PNMA8C: variants seen among roughly 807,000 people sequenced by gnomAD.
PNMA8C encodes the protein PNMA family member 8C.
In PNMA8C at chr19:46,428,032, T is replaced by C; in HGVS notation, c.328A>G (p.Lys110Glu). 1 of 398,746 alleles carries C rather than the reference T, an allele frequency of 2.5e-6. No individual in the cohort carries two copies. The highest frequency in any genetic ancestry group is 1.3e-4 in the South Asian group (1 of 7,860). 24.7% of individuals were successfully genotyped at this position (398,746 alleles called of 1,614,324 possible). A position where few individuals can be genotyped will look rare whatever the true frequency, so the allele number is the denominator to read the frequency against. The change falls in exon 1 of 1, where the codon AAG (lysine) becomes GAG (glutamate). Residue 110 changes from lysine (K) to glutamate (E), a missense_variant. Physicochemically the swap from Lys to Glu is moderately conservative, Grantham distance 56. Transcript: ENST00000617053. The stretch of plus-strand genomic sequence containing the variant: ...TCGCTCTGCAGAAAGAGGTTCAGCT[T>C]GGTCAGGAATTCAATGTCCTGCTTC... ...PRKQDIEFLTKLNLFLQSEGR... is the reference protein window; with the variant it reads ...PRKQDIEFLTELNLFLQSEGR...
chr19:46,426,514 G>T lies in PNMA8C; in HGVS notation c.*1231C>A, dbSNP rs1162500814. On this transcript the variant is annotated 3_prime_UTR_variant, in exon 1 of 1. Coordinates refer to ENST00000617053, the MANE Select transcript of PNMA8C (RefSeq NM_001386793.1). Reference sequence around the variant, plus strand: ...TCAAGGTACATGCTTTTGAAACACAGAAAACGGCTCTAGACTTTGCAATAA... The same window carrying T: ...TCAAGGTACATGCTTTTGAAACACATAAAACGGCTCTAGACTTTGCAATAA... 6.6e-6 allele frequency: 1 copy of T among 151,796 alleles called. No individual in the cohort carries two copies. The highest frequency in any genetic ancestry group is 2.4e-5 in the African/African-American group (1 of 41,374). 9.4% of individuals were successfully genotyped at this position (151,796 alleles called of 1,614,324 possible).
In PNMA8C at chr19:46,425,824, G is replaced by A. The variant is rs533221668; in HGVS notation, c.*1921C>T. 2.0e-5 allele frequency: 3 copies of A among 152,266 alleles called. No individual in the cohort carries two copies. In the East Asian group the frequency reaches 5.8e-4, roughly 29 times the overall value. The allele number at this position is 152,266 out of a possible 1,614,324, so 9.4% of individuals were successfully genotyped here. A position where few individuals can be genotyped will look rare whatever the true frequency, so the allele number is the denominator to read the frequency against. On this transcript the variant is annotated 3_prime_UTR_variant, in exon 1 of 1. Coordinates refer to ENST00000617053, the MANE Select transcript of PNMA8C (RefSeq NM_001386793.1). Reference sequence around the variant, plus strand: ...GAATCGCTTGGACCAGGGAGTCAGAGGTTGCAGTGAGCTGAGATTGCACCT... The same window carrying A: ...GAATCGCTTGGACCAGGGAGTCAGAAGTTGCAGTGAGCTGAGATTGCACCT...
Position 46,427,885 on chromosome 19 carries a change from C to G in PNMA8C, c.475G>C (p.Ala159Pro). ...ACGTCCATCTGGACGGTGGCCCCAGCCTCCGGTTTCTCCCCCAGCCCAGGC... is the reference window on the plus strand; with the variant it reads ...ACGTCCATCTGGACGGTGGCCCCAGGCTCCGGTTTCTCCCCCAGCCCAGGC... ...SVPGLGEKPEAGATVQMDVVP... is the reference protein window; with the variant it reads ...SVPGLGEKPEPGATVQMDVVP... The change falls in exon 1 of 1, where the codon GCT becomes CCT. Residue 159 changes from alanine to proline, a missense_variant. By Grantham distance (27) the Ala-to-Pro change is conservative. Coordinates refer to ENST00000617053, the MANE Select transcript of PNMA8C (RefSeq NM_001386793.1). 1 of 398,724 alleles carries G rather than the reference C, an allele frequency of 2.5e-6. No individual in the cohort carries two copies. Among genetic ancestry groups the G allele is most frequent in the Non-Finnish European group, 4.4e-6 (1 of 226,128 alleles). 24.7% of individuals were successfully genotyped at this position (398,724 alleles called of 1,614,324 possible). A position where few individuals can be genotyped will look rare whatever the true frequency, so the allele number is the denominator to read the frequency against.
Position 46,426,848 on chromosome 19 carries a change from G to T in PNMA8C, c.*897C>A, listed in dbSNP as rs981937056. On this transcript the variant is annotated 3_prime_UTR_variant, in exon 1 of 1. Coordinates refer to ENST00000617053, the MANE Select transcript of PNMA8C (RefSeq NM_001386793.1). ...CGGTCGGACGCGCTGCTAGGTTCTG[G>T]CTCTGACTGCGCCTGCGCGGCTGGT... 6.6e-6 allele frequency: 1 copy of T among 152,260 alleles called. No homozygotes were observed. Among genetic ancestry groups the T allele is most frequent in the African/African-American group, 2.4e-5 (1 of 41,474 alleles). The allele number at this position is 152,260 out of a possible 1,614,324, so 9.4% of individuals were successfully genotyped here.
In PNMA8C at chr19:46,428,928, G is replaced by A. The variant is rs1194741699; in HGVS notation, c.-569C>T. On this transcript the variant is annotated 5_prime_UTR_variant, in exon 1 of 1. Coordinates refer to ENST00000617053, the MANE Select transcript of PNMA8C (RefSeq NM_001386793.1). ...ATGTGGCCGCTGCACTTGCTCCCGC[G>A]GTGACGTCACCGCCTCCTTCCGCTC... is the stretch of plus-strand genomic sequence containing the variant. 4.6e-5 allele frequency: 7 copies of A among 152,342 alleles called. No individual in the cohort carries two copies. Among genetic ancestry groups the A allele is most frequent in the African/African-American group, 1.4e-4 (6 of 41,582 alleles). 9.4% of individuals were successfully genotyped at this position (152,342 alleles called of 1,614,324 possible).
Position 46,424,868 on chromosome 19 carries a change from TG to T in PNMA8C, c.*2876del, listed in dbSNP as rs1969408329. 6.6e-6 allele frequency: 1 copy of T among 152,044 alleles called. No individual in the cohort carries two copies. The highest frequency in any genetic ancestry group is 2.1e-4 in the South Asian group (1 of 4,822). The allele number at this position is 152,044 out of a possible 1,614,324, so 9.4% of individuals were successfully genotyped here. A position where few individuals can be genotyped will look rare whatever the true frequency, so the allele number is the denominator to read the frequency against. ...TTCAATTTACTTGTGAATTTTTGCT[TG>T]GGATTTGCCCTACCAGTGATGTTTT... On this transcript the variant is annotated 3_prime_UTR_variant, in exon 1 of 1. Transcript: ENST00000617053.
chr19:46,427,010 A>C lies in PNMA8C; in HGVS notation c.*735T>G, dbSNP rs1258700521. The C allele has an allele frequency of 6.6e-6, 1 of 152,266 alleles. No individual in the cohort carries two copies. Among genetic ancestry groups the C allele is most frequent in the African/African-American group, 2.4e-5 (1 of 41,466 alleles). 9.4% of individuals were successfully genotyped at this position (152,266 alleles called of 1,614,324 possible). A position where few individuals can be genotyped will look rare whatever the true frequency, so the allele number is the denominator to read the frequency against. On this transcript the variant is annotated 3_prime_UTR_variant, in exon 1 of 1. Transcript: ENST00000617053. ...ACCCGCACACTCTCAAATATTACCC[A>C]CAACTACTTTCAATTATACGCGGAT...
At position 46,427,161 on chromosome 19, in the gene PNMA8C, C is replaced by A. The variant is rs748751370; in HGVS notation, c.*584G>T. The A allele has an allele frequency of 2.0e-5, 3 of 152,272 alleles. 1 individual carries two copies. The South Asian group carries it at 6.2e-4, about 32-fold the overall frequency. 9.4% of individuals were successfully genotyped at this position (152,272 alleles called of 1,614,324 possible). On this transcript the variant is annotated 3_prime_UTR_variant, in exon 1 of 1. Coordinates refer to ENST00000617053, the MANE Select transcript of PNMA8C (RefSeq NM_001386793.1). ...GCAAGGTTTTGGTCTGTTTATTCCC[C>A]TTCTGTATCCCCAGTGCCTGGCACA...
Position 46,428,401 on chromosome 19 carries a change from C to T in PNMA8C, c.-42G>A. The T allele has an allele frequency of 2.5e-6, 1 of 398,680 alleles. No homozygotes were observed. The highest frequency in any genetic ancestry group is 2.1e-5 in the African/African-American group (1 of 48,772). The allele number at this position is 398,680 out of a possible 1,614,324, so 24.7% of individuals were successfully genotyped here. A position where few individuals can be genotyped will look rare whatever the true frequency, so the allele number is the denominator to read the frequency against. Reference sequence around the variant, plus strand: ...AGGCAGCAGTATGCCCGCTGGTGGACACCTGAGCTGCCTCGGGAATCCACG... The same window carrying T: ...AGGCAGCAGTATGCCCGCTGGTGGATACCTGAGCTGCCTCGGGAATCCACG... On this transcript the variant is annotated 5_prime_UTR_variant, in exon 1 of 1. Transcript: ENST00000617053.
rs976828118 is a variant in PNMA8C, at chr19:46,427,739, AC to A, written c.*5del. The A allele has an allele frequency of 2.5e-6, 1 of 398,122 alleles. No homozygotes were observed. Among genetic ancestry groups the A allele is most frequent in the African/African-American group, 2.1e-5 (1 of 48,510 alleles). The allele number at this position is 398,122 out of a possible 1,614,324, so 24.7% of individuals were successfully genotyped here. ...ACACTCCCCACGCCCACCCGATGCCACCACCTCACAGCTTCTTGTCTGAGGC... is the reference window on the plus strand; with the variant it reads ...ACACTCCCCACGCCCACCCGATGCCACACCTCACAGCTTCTTGTCTGAGGC... On this transcript the variant is annotated 3_prime_UTR_variant, in exon 1 of 1. Transcript: ENST00000617053.
rs1416683062 is a variant in PNMA8C at position 46,425,543 on chromosome 19, G to C, written c.*2202C>G. The C allele has an allele frequency of 7.0e-6, 1 of 142,916 alleles. No homozygotes were observed. The highest frequency in any genetic ancestry group is 7.4e-5 in the Admixed American group (1 of 13,498). The allele number at this position is 142,916 out of a possible 1,614,324, so 8.9% of individuals were successfully genotyped here. ...GCAGAGGTTGCAGTGAGCCAAGATC[G>C]TGCCACTGCACTCCAGCCTGGGCTA... On this transcript the variant is annotated 3_prime_UTR_variant, in exon 1 of 1. Transcript: ENST00000617053.
chr19:46,427,963 G>T lies in PNMA8C; in HGVS notation c.397C>A (p.Leu133Met). ...CTGGGGCCCGTGGCTGGGGGACACA[G>T]TTCCTGCCTCAGGACCCGGGCCATA... The part of the protein sequence containing the change: ...EDMARVLRQE[L>M]CPPATGPREL... The change falls in exon 1 of 1, where the codon CTG becomes ATG. Residue 133 changes from leucine to methionine, a missense_variant. Physicochemically the swap from Leu to Met is conservative, Grantham distance 15. Transcript: ENST00000617053. 2.5e-6 allele frequency: 1 copy of T among 398,546 alleles called. No homozygotes were observed. The highest frequency in any genetic ancestry group is 4.4e-6 in the Non-Finnish European group (1 of 226,122). The allele number at this position is 398,546 out of a possible 1,614,324, so 24.7% of individuals were successfully genotyped here. A position where few individuals can be genotyped will look rare whatever the true frequency, so the allele number is the denominator to read the frequency against.
rs1019912753 is a variant in PNMA8C, at chr19:46,426,349, G to A, written c.*1396C>T. The A allele has an allele frequency of 2.0e-5, 3 of 152,048 alleles. No individual in the cohort carries two copies. Among genetic ancestry groups the A allele is most frequent in the African/African-American group, 7.2e-5 (3 of 41,398 alleles). The allele number at this position is 152,048 out of a possible 1,614,324, so 9.4% of individuals were successfully genotyped here. A position where few individuals can be genotyped will look rare whatever the true frequency, so the allele number is the denominator to read the frequency against. On this transcript the variant is annotated 3_prime_UTR_variant, in exon 1 of 1. Coordinates refer to ENST00000617053, the MANE Select transcript of PNMA8C (RefSeq NM_001386793.1). ...AGAGACTCAGCGTGTAGAGAAAGAC[G>A]ACAGCTTTTCAAGAGCCGCTTACAG...
Position 46,424,717 on chromosome 19 carries a change from T to C in PNMA8C, c.*3028A>G, listed in dbSNP as rs1969407248. 1 of 152,202 alleles carries C rather than the reference T, an allele frequency of 6.6e-6. No individual in the cohort carries two copies. Among genetic ancestry groups the C allele is most frequent in the Non-Finnish European group, 1.5e-5 (1 of 68,038 alleles). 9.4% of individuals were successfully genotyped at this position (152,202 alleles called of 1,614,324 possible). On this transcript the variant is annotated 3_prime_UTR_variant, in exon 1 of 1. Coordinates refer to ENST00000617053, the MANE Select transcript of PNMA8C (RefSeq NM_001386793.1). ...TATGATTTCATTAGCATACATTTAT[T>C]TTATGAGTTCATATTTGTACAAAAG... is the stretch of plus-strand genomic sequence containing the variant.
Position 46,427,419 on chromosome 19 carries a change from A to G in PNMA8C, c.*326T>C, listed in dbSNP as rs893930356. 1 of 202,998 alleles carries G rather than the reference A, an allele frequency of 4.9e-6. No homozygotes were observed. The highest frequency in any genetic ancestry group is 9.8e-6 in the Non-Finnish European group (1 of 102,304). 12.6% of individuals were successfully genotyped at this position (202,998 alleles called of 1,614,324 possible). A position where few individuals can be genotyped will look rare whatever the true frequency, so the allele number is the denominator to read the frequency against. On this transcript the variant is annotated 3_prime_UTR_variant, in exon 1 of 1. Coordinates refer to ENST00000617053, the MANE Select transcript of PNMA8C (RefSeq NM_001386793.1). ...TCCATATCCCCAGCTCCTGGAACAT[A>G]GTAGGTATGCAATAAATATCTGTAA... is the stretch of plus-strand genomic sequence containing the variant.
rs930448951 is a variant in PNMA8C at position 46,427,554 on chromosome 19, T to C, written c.*191A>G. ...ATCCACCTCTTTCGCACTAGTCAGA[T>C]GTTACCTGTGCTATCCAAATGATAC... On this transcript the variant is annotated 3_prime_UTR_variant, in exon 1 of 1. Transcript: ENST00000617053. The C allele has an allele frequency of 2.5e-6, 1 of 393,664 alleles. No homozygotes were observed. The highest frequency in any genetic ancestry group is 2.1e-5 in the African/African-American group (1 of 48,556). The allele number at this position is 393,664 out of a possible 1,614,324, so 24.4% of individuals were successfully genotyped here.
rs1969427202 is a variant in PNMA8C, at chr19:46,427,273, G to A, written c.*472C>T. 6.5e-6 allele frequency: 1 copy of A among 152,960 alleles called. No individual in the cohort carries two copies. The highest frequency in any genetic ancestry group is 2.1e-4 in the South Asian group (1 of 4,850). 9.5% of individuals were successfully genotyped at this position (152,960 alleles called of 1,614,324 possible). On this transcript the variant is annotated 3_prime_UTR_variant, in exon 1 of 1. Transcript: ENST00000617053. ...CTCAACCAGATTTTATGATCATTCA[G>A]CTGTTACCCACATGTACTCAAATGC...
chr19:46,428,460 G>A lies in PNMA8C; in HGVS notation c.-101C>T. 1 of 397,978 alleles carries A rather than the reference G, an allele frequency of 2.5e-6. No individual in the cohort carries two copies. The highest frequency in any genetic ancestry group is 1.4e-4 in the South Asian group (1 of 7,126). The allele number at this position is 397,978 out of a possible 1,614,324, so 24.7% of individuals were successfully genotyped here. On this transcript the variant is annotated 5_prime_UTR_variant, in exon 1 of 1. Coordinates refer to ENST00000617053, the MANE Select transcript of PNMA8C (RefSeq NM_001386793.1). ...CAGGATGCCGCGATTCCTTCCCAAA[G>A]GCTACGAGAGAGTGAGGCCTCAGGG... is the stretch of plus-strand genomic sequence containing the variant.
rs1002876450 is a variant in PNMA8C at position 46,425,912 on chromosome 19, C to G, written c.*1833G>C. 3.3e-5 allele frequency: 5 copies of G among 152,164 alleles called. No homozygotes were observed. Among genetic ancestry groups the G allele is most frequent in the African/African-American group, 1.2e-4 (5 of 41,542 alleles). The allele number at this position is 152,164 out of a possible 1,614,324, so 9.4% of individuals were successfully genotyped here. A position where few individuals can be genotyped will look rare whatever the true frequency, so the allele number is the denominator to read the frequency against. ...CAAAAAAAAAAGACGTTAGGAGTCT[C>G]TGACATTACAATTTGGTAGGCTGAG... On this transcript the variant is annotated 3_prime_UTR_variant, in exon 1 of 1. Coordinates refer to ENST00000617053, the MANE Select transcript of PNMA8C (RefSeq NM_001386793.1).
Sources: gnomAD v4.1 joint callset for allele counts on GRCh38, gnomAD v4.1.1 for gene constraint, MANE v1.5 for transcripts, NCBI Gene and HGNC (gene_info 2026-07-23, HGNC 2026-07-21) for gene names.